Variants in HMGCLL1 observed in about 807,000 individuals in gnomAD.
HMGCLL1 encodes the protein 3-hydroxy-3-methylglutaryl-CoA lyase like 1.
HMGCLL1 carries 36 observed loss-of-function variants against 39.1 expected under a neutral mutation model. That is an observed-to-expected ratio of 0.92 (90% CI 0.71 to 1.22). The LOEUF is 1.22. Among genes scored for constraint, HMGCLL1 ranks in the 50% most tolerant of loss-of-function variants. The pLI is 0.00. For synonymous variants in HMGCLL1, 149 were observed against 144.0 expected, an observed-to-expected ratio of 1.03 and a Z score of -0.25; for missense variants, 451 against 416.5, an observed-to-expected ratio of 1.08 and a Z score of -0.72.
At chr6:55,618,284 T>C in the HMGCLL1 span, among the ~76,000 whole-genome samples, 1 of 151,972 alleles carries the variant, frequency 6.6e-6, no homozygotes, top group Non-Finnish European at 1.5e-5. Flanking sequence ...TAATTGTACA[T>C]TTATATTTTA....
At chr6:55,572,152 A>G (rs529211386) in intron 1 of HMGCLL1, among the ~76,000 whole-genome samples, 1 of 152,312 alleles carries the variant, frequency 6.6e-6, no homozygotes, top group East Asian at 1.9e-4. Context: ...TTCTAAGTAA[A>G]GTGATAAACT....
chr6:55,627,480 C>T, the HMGCLL1 span, among the ~76,000 whole-genome samples: 1 of 151,872 alleles, frequency 6.6e-6, no homozygotes, highest in South Asian at 2.1e-4. Context: ...TGTATGGGTT[C>T]ACATTGACAA....
At chr6:55,449,919 TA>T (rs1764008196) in intron 7 of HMGCLL1, among the ~76,000 whole-genome samples, 1 of 119,224 alleles carries the variant, frequency 8.4e-6, no homozygotes, top group African/African-American at 3.3e-5. Flanking sequence ...ATATTGCTAC[TA>T]TTTTTTTTTT....
At chr6:55,627,833 T>G in the HMGCLL1 span, among the ~76,000 whole-genome samples, 1 of 124,032 alleles carries the variant, frequency 8.1e-6, no homozygotes, top group Admixed American at 1.1e-4. Context: ...TGCAGACAGC[T>G]TATTGTGGGA....
At chr6:55,522,106 G>A (rs1428767397) in intron 3 of HMGCLL1, among the ~76,000 whole-genome samples, 1 of 151,746 alleles carries the variant, frequency 6.6e-6, no homozygotes, top group Non-Finnish European at 1.5e-5. Flanking sequence ...AAGGCCTGAT[G>A]CTCTTCAATA....
At chr6:55,471,064 C>T (rs774569335) in intron 7 of HMGCLL1, among the ~76,000 whole-genome samples, 57 of 150,618 alleles carry the variant, frequency 3.8e-4, no homozygotes, top group Non-Finnish European at 5.7e-4. Flanking sequence ...CTGCCTTCAT[C>T]GAATGACCCC....
In HMGCLL1 at chr6:55,516,724, T is replaced by A. The variant is rs965382744; in HGVS notation, c.298-121A>T. Reference sequence around the variant, plus strand: ...AGAGTCTTTAAATTAATATCTGAAATAAAAAAAAATGCCAGTGAATGTAAA... The same window carrying A: ...AGAGTCTTTAAATTAATATCTGAAAAAAAAAAAAATGCCAGTGAATGTAAA... On this transcript the variant is annotated intron_variant, in intron 3 of 8. Transcript: ENST00000274901. 2.0e-6 allele frequency: 1 copy of A among 511,000 alleles called. No homozygotes were observed. Among genetic ancestry groups the A allele is most frequent in the Non-Finnish European group, 3.4e-6 (1 of 291,750 alleles). 31.7% of individuals were successfully genotyped at this position (511,000 alleles called of 1,614,324 possible). A position where few individuals can be genotyped will look rare whatever the true frequency, so the allele number is the denominator to read the frequency against.
chr6:55,524,499 G>A (rs1768209839), intron 3 of HMGCLL1, among the ~76,000 whole-genome samples: 1 of 140,938 alleles, frequency 7.1e-6, no homozygotes, highest in Non-Finnish European at 1.5e-5. Flanking sequence ...CCAAATTGAT[G>A]TATTCAGTAT....
intron 3 of HMGCLL1, among the ~76,000 whole-genome samples, chr6:55,521,341 TG>T (rs1768032087): frequency 6.6e-6 from 1 of 152,094 alleles, no homozygotes; most frequent in Non-Finnish European, 1.5e-5. Flanking sequence ...AAGTTTCAAC[TG>T]TTTTTTTGTA....
intron 1 of HMGCLL1, among the ~76,000 whole-genome samples, chr6:55,564,707 T>C (rs1771127980): frequency 6.6e-6 from 1 of 152,102 alleles, no homozygotes; most frequent in Non-Finnish European, 1.5e-5. Flanking sequence ...GAGTCAATGG[T>C]ACATGCTTTG....
At chr6:55,630,762 C>T in the HMGCLL1 span, among the ~76,000 whole-genome samples, 1 of 132,778 alleles carries the variant, frequency 7.5e-6, no homozygotes, top group African/African-American at 3.0e-5. Context: ...TACACAAGCT[C>T]TCTTTGCCTG....
chr6:55,525,119 G>A (rs1441733642), intron 3 of HMGCLL1, among the ~76,000 whole-genome samples: 1 of 151,800 alleles, frequency 6.6e-6, no homozygotes, highest in Non-Finnish European at 1.5e-5. Context: ...CTCTGCCACT[G>A]TTAGCATAAA....
rs1763335338 is a variant in HMGCLL1 at position 55,435,568 on chromosome 6, T to C, written c.*94A>G. ...CTTTTTTCCCACTCTTGTCCATTAC[T>C]TCACATATCAGAGCAAGTTGGCATT... On this transcript the variant is annotated 3_prime_UTR_variant, in exon 9 of 9. Coordinates refer to ENST00000274901, the MANE Select transcript of HMGCLL1 (RefSeq NM_001042406.2). 1 of 594,110 alleles carries C rather than the reference T, an allele frequency of 1.7e-6. No individual in the cohort carries two copies. 36.8% of individuals were successfully genotyped at this position (594,110 alleles called of 1,614,324 possible).
intron 1 of HMGCLL1, among the ~76,000 whole-genome samples, chr6:55,576,167 A>G (rs561329584): frequency 6.6e-6 from 1 of 152,332 alleles, no homozygotes; most frequent in East Asian, 1.9e-4. Flanking sequence ...TTACTATGCA[A>G]TAGAAGTCTA....
chr6:55,590,306 T>A, the HMGCLL1 span, among the ~76,000 whole-genome samples: 2 of 152,100 alleles, frequency 1.3e-5, no homozygotes, highest in Non-Finnish European at 2.9e-5. Context: ...GGGGAAAGGA[T>A]TCCCTATTTA....
intron 5 of HMGCLL1, among the ~76,000 whole-genome samples, chr6:55,507,891 C>T (rs1767250877): frequency 1.3e-5 from 2 of 151,796 alleles, no homozygotes; most frequent in African/African-American, 4.8e-5. Context: ...ACTAATCTTG[C>T]CTTTTTCATA....
intron 1 of HMGCLL1, among the ~76,000 whole-genome samples, chr6:55,551,017 T>G (rs1021102217): frequency 1.3e-5 from 2 of 148,670 alleles, no homozygotes; most frequent in African/African-American, 5.0e-5. Context: ...CCTTGCCTAG[T>G]CTATACATCT....
chr6:55,643,557 TC>T, the HMGCLL1 span, among the ~76,000 whole-genome samples: 1 of 151,910 alleles, frequency 6.6e-6, no homozygotes, highest in Non-Finnish European at 1.5e-5. Flanking sequence ...TATTATTTTT[TC>T]TTTCTAGTTT....
chr6:55,539,680 AAC>A (rs1193259130), intron 3 of HMGCLL1, among the ~76,000 whole-genome samples: 1 of 151,502 alleles, frequency 6.6e-6, no homozygotes, highest in Non-Finnish European at 1.5e-5. Context: ...AGAGAGGAAC[AAC>A]ACACACTGGA....
Sources: gnomAD v4.1 joint callset for allele counts (sites outside exome capture counted in the v4.1 genomes callset) on GRCh38, gnomAD v4.1.1 for gene constraint, MANE v1.5 for transcripts, NCBI Gene and HGNC (gene_info 2026-07-23, HGNC 2026-07-21) for gene names.